GTF3C1: variants seen among roughly 807,000 people sequenced by gnomAD.
GTF3C1 encodes the protein general transcription factor 3C polypeptide 1.
A neutral mutation model predicts 226.7 loss-of-function variants in GTF3C1; 57 were observed. The observed-to-expected ratio is 0.25, with a 90% CI of 0.20 to 0.31. The LOEUF (loss-of-function observed/expected upper bound fraction) is 0.31, where lower values mean the gene tolerates loss of function less well. Ranked by LOEUF, GTF3C1 falls within the 10% of genes least tolerant of loss-of-function variation. The probability of loss-of-function intolerance (pLI) is 1.00; values close to 1 mark genes in which losing one functional copy is unlikely to be tolerated. For synonymous variants in GTF3C1, 1,090 were observed against 1,084.8 expected (o/e 1.00, Z -0.09); for missense variants, 2,217 against 2,776.1 (o/e 0.80, Z 4.53).
At chr16:27,468,093 A>G (rs550854943) in intron 32 of GTF3C1, among the ~76,000 whole-genome samples, 1 of 152,272 alleles carries the variant, frequency 6.6e-6, no homozygotes, top group African/African-American at 2.4e-5. Context: ...GAGGGGTTCA[A>G]GTCTTCAGCG....
intron 10 of GTF3C1, among the ~76,000 whole-genome samples, 194 bp from the exon 11 acceptor site, chr16:27,503,189 T>C (rs1023165760): frequency 3.3e-5 from 5 of 152,086 alleles, no homozygotes; most frequent in Non-Finnish European, 7.4e-5. Context: ...ATCAAAGACA[T>C]TGGCCAGCAG....
intron 19 of GTF3C1, among the ~76,000 whole-genome samples, chr16:27,491,215 G>C (rs1043793261): frequency 1.2e-4 from 18 of 152,168 alleles, no homozygotes; most frequent in African/African-American, 4.1e-4. Context: ...AAAAATCAAA[G>C]TGTGATACTG....
At chr16:27,501,046 AT>A (rs994295190) in intron 12 of GTF3C1, 144 bp downstream of exon 12, 15 of 667,516 alleles carry the variant, frequency 2.2e-5, no homozygotes, top group African/African-American at 2.2e-4. Flanking sequence ...GCTAACCCAT[AT>A]TCCCCAAATC....
chr16:27,545,432 C>G lies in GTF3C1; in HGVS notation c.313G>C (p.Glu105Gln). 6.2e-7 allele frequency: 1 copy of G among 1,611,906 alleles called. No individual in the cohort carries two copies. The highest frequency in any genetic ancestry group is 8.5e-7 in the Non-Finnish European group (1 of 1,177,984). The change falls in exon 2 of 37, where the codon GAG becomes CAG. Residue 105 changes from glutamate to glutamine, a missense_variant. Coordinates refer to ENST00000356183, the MANE Select transcript of GTF3C1 (RefSeq NM_001520.4). ...GAGCCCTGGATGCCATCCTTATTCT[C>G]TAAGATCATATGAATGGGGTAGACA... ...EDVYPIHMILENKDGIQGSCR... is the reference protein window; with the variant it reads ...EDVYPIHMILQNKDGIQGSCR...
chr16:27,546,544 T>C (rs2141468831), intron 1 of GTF3C1, among the ~76,000 whole-genome samples: 1 of 151,490 alleles, frequency 6.6e-6, no homozygotes, highest in Admixed American at 6.6e-5. Flanking sequence ...CCTCACTATG[T>C]TGCCCAGATT....
At chr16:27,517,222 G>C (rs532367272) in intron 6 of GTF3C1, among the ~76,000 whole-genome samples, 53 of 152,336 alleles carry the variant, frequency 3.5e-4, no homozygotes, top group African/African-American at 1.2e-3. Context: ...AGTTCCACCA[G>C]CCCTGTGTGC....
At chr16:27,538,613 C>T (rs1334191433) in intron 2 of GTF3C1, among the ~76,000 whole-genome samples, 3 of 152,200 alleles carry the variant, frequency 2.0e-5, no homozygotes, top group East Asian at 1.9e-4. Context: ...CTTCAGGGCT[C>T]GCCAAGGCGC....
At chr16:27,523,286 T>C (rs1228267994) in intron 6 of GTF3C1, among the ~76,000 whole-genome samples, 5 of 152,344 alleles carry the variant, frequency 3.3e-5, no homozygotes, top group South Asian at 2.1e-4. Flanking sequence ...CCAAAGTTTT[T>C]TTGCTTTTTG....
intron 6 of GTF3C1, among the ~76,000 whole-genome samples, chr16:27,524,028 C>T (rs2088792121): frequency 1.3e-5 from 2 of 152,190 alleles, no homozygotes; most frequent in African/African-American, 4.8e-5. Context: ...CCTCTTGTCC[C>T]AGCTCCAGGC....
intron 16 of GTF3C1, among the ~76,000 whole-genome samples, chr16:27,494,265 GT>G (rs1337784368): frequency 6.6e-6 from 1 of 151,950 alleles, no homozygotes; most frequent in Non-Finnish European, 1.5e-5. Flanking sequence ...GCCTGGCGTG[GT>G]GGTGGGTGCC....
chr16:27,469,234 G>T lies in GTF3C1; in HGVS notation c.5074+57C>A. On this transcript the variant is annotated intron_variant, in intron 32 of 36. Coordinates refer to ENST00000356183, the MANE Select transcript of GTF3C1 (RefSeq NM_001520.4). This position sits in a 1 kb window ranked among gnomAD's most constrained non-coding sequence, Gnocchi z 4.5. ...TCTAGGTCCCAGGCCAGGCCTCAGG[G>T]TCTTCCTGGATGATGGCGAGGCCAG... The T allele has an allele frequency of 2.0e-6, 3 of 1,500,428 alleles. No homozygotes were observed. Among genetic ancestry groups the T allele is most frequent in the Non-Finnish European group, 1.8e-6 (2 of 1,115,186 alleles). The allele number at this position is 1,500,428 out of a possible 1,614,324, so 92.9% of individuals were successfully genotyped here. A position where few individuals can be genotyped will look rare whatever the true frequency, so the allele number is the denominator to read the frequency against.
At position 27,483,120 on chromosome 16, in the gene GTF3C1, C is replaced by A. The variant is rs761194911; in HGVS notation, c.4007G>T (p.Cys1336Phe). 2 of 1,614,076 alleles carry A rather than the reference C, an allele frequency of 1.2e-6. No homozygotes were observed. Among genetic ancestry groups the A allele is most frequent in the African/African-American group, 2.7e-5 (2 of 75,076 alleles). The change falls in exon 26 of 37, where the codon TGC becomes TTC. Residue 1336 changes from cysteine (C) to phenylalanine (F), a missense_variant. Transcript: ENST00000356183. ...TTTATCCTGGTACACCTCGGCCAGGCACACTCTGCAGGAAGAGGAGACAAA... is the reference window on the plus strand; with the variant it reads ...TTTATCCTGGTACACCTCGGCCAGGAACACTCTGCAGGAAGAGGAGACAAA... ...NPQAYLNYKV[C>F]LAEVYQDKAL...
intron 6 of GTF3C1, among the ~76,000 whole-genome samples, chr16:27,525,075 C>T (rs1256812875): frequency 1.3e-5 from 2 of 151,954 alleles, no homozygotes; most frequent in African/African-American, 2.4e-5. Context: ...CACTTGAACC[C>T]GGGAGGCAGA....
At chr16:27,544,513 C>T (rs1422259112) in intron 2 of GTF3C1, among the ~76,000 whole-genome samples, 1 of 151,560 alleles carries the variant, frequency 6.6e-6, no homozygotes, top group East Asian at 1.9e-4. Flanking sequence ...CAGCCTTAGA[C>T]AGGGCCACCA....
chr16:27,493,221 G>A lies in GTF3C1; in HGVS notation c.2854C>T (p.Arg952Trp), dbSNP rs267604486. The change falls in exon 17 of 37, where the codon CGG becomes TGG. Residue 952 changes from arginine to tryptophan, a missense_variant. Physicochemically the swap from Arg to Trp is moderately radical, Grantham distance 101. Transcript: ENST00000356183. Reference sequence around the variant, plus strand: ...CACCTCTTGTACAGAAGCTGCTGCCGAATGGGCCTGGGGAGAAAGCGGATC... The same window carrying A: ...CACCTCTTGTACAGAAGCTGCTGCCAAATGGGCCTGGGGAGAAAGCGGATC... ...TLIRFLPRPI[R>W]QQLLYKRRYI... The A allele has an allele frequency of 2.5e-6, 4 of 1,607,720 alleles. No homozygotes were observed. Among genetic ancestry groups the A allele is most frequent in the Non-Finnish European group, 3.4e-6 (4 of 1,174,216 alleles).
intron 12 of GTF3C1, among the ~76,000 whole-genome samples, chr16:27,500,724 G>C (rs1362847647): frequency 3.9e-5 from 6 of 152,188 alleles, no homozygotes; most frequent in Non-Finnish European, 7.3e-5. Context: ...AAATTTTACA[G>C]AAATAGATAT....
intron 6 of GTF3C1, among the ~76,000 whole-genome samples, chr16:27,521,162 GT>G (rs1038742012): frequency 2.6e-5 from 4 of 152,226 alleles, no homozygotes; most frequent in African/African-American, 9.6e-5. Context: ...GAAACATCCA[GT>G]CCCTGCACTG....
At chr16:27,476,834 G>A (rs1302262142) in intron 28 of GTF3C1, among the ~76,000 whole-genome samples, 2 of 152,088 alleles carry the variant, frequency 1.3e-5, no homozygotes, top group Non-Finnish European at 2.9e-5. Context: ...AATTCTAAAC[G>A]AGTTTTTCTC....
chr16:27,538,935 T>A (rs1331358196), intron 2 of GTF3C1, among the ~76,000 whole-genome samples: 1 of 147,976 alleles, frequency 6.8e-6, no homozygotes, highest in Non-Finnish European at 1.5e-5. Context: ...TTCATAGAAC[T>A]TAGCACTCTT....
Sources: allele counts gnomAD v4.1 joint callset (sites outside exome capture counted in the v4.1 genomes callset), GRCh38; gene constraint gnomAD v4.1.1; non-coding constraint Gnocchi (gnomAD v3.1); transcripts MANE v1.5; gene names NCBI Gene and HGNC (gene_info 2026-07-23, HGNC 2026-07-21).